PCDHGA1: variants seen among roughly 807,000 people sequenced by gnomAD.
PCDHGA1 encodes the protein protocadherin gamma subfamily A, 1.
PCDHGA1 carries 32 observed loss-of-function variants against 58.0 expected under a neutral mutation model. The observed-to-expected ratio is 0.55, with a 90% CI of 0.42 to 0.74. The LOEUF is 0.74. PCDHGA1 is among the 30% of genes least tolerant of loss of function. PCDHGA1 has a pLI of 0.00. For missense variants in PCDHGA1, 1,205 were observed against 1,182.3 expected (o/e 1.02, Z -0.28); for synonymous variants, 498 against 501.1 (o/e 0.99, Z 0.08).
At chr5:141,394,850 G>GC in intron 1 of PCDHGA1, 1 of 1,613,820 alleles carries the variant, frequency 6.2e-7, no homozygotes. Flanking sequence ...GCAGTCTGAA[G>GC]CCTTCGGTCG....
At chr5:141,445,070 A>G (rs185808898) in intron 1 of PCDHGA1, among the ~76,000 whole-genome samples, 30 of 152,306 alleles carry the variant, frequency 2.0e-4, no homozygotes, top group African/African-American at 7.2e-4. Context: ...TATATTTCTC[A>G]TTAAATTGTC....
Position 141,489,857 on chromosome 5 carries a change from C to T in PCDHGA1, c.2422-4950C>T. 2 of 1,614,166 alleles carry T rather than the reference C, an allele frequency of 1.2e-6. No individual in the cohort carries two copies. On this transcript the variant is annotated intron_variant, in intron 1 of 3. Coordinates refer to ENST00000517417, the MANE Select transcript of PCDHGA1 (RefSeq NM_018912.3). This position sits in a 1 kb window ranked among gnomAD's most constrained non-coding sequence, Gnocchi z 4.5. ...CAGCAGCTGGATCGTGAAGCCCAGGCAAGACATCAGCTGGTGCTTACTGCT... is the reference window on the plus strand; with the variant it reads ...CAGCAGCTGGATCGTGAAGCCCAGGTAAGACATCAGCTGGTGCTTACTGCT...
In PCDHGA1 at chr5:141,330,778, C is replaced by A. The variant is rs1225743698; in HGVS notation, c.94C>A (p.His32Asn). The A allele has an allele frequency of 1.2e-6, 2 of 1,614,212 alleles. No individual in the cohort carries two copies. The highest frequency in any genetic ancestry group is 1.7e-5 in the Admixed American group (1 of 60,022). The change falls in exon 1 of 4, where the codon CAC (histidine) becomes AAC (asparagine). Residue 32 changes from histidine (H) to asparagine (N), a missense_variant. Coordinates refer to ENST00000517417, the MANE Select transcript of PCDHGA1 (RefSeq NM_018912.3). The stretch of plus-strand genomic sequence containing the variant: ...GTTGGAAGCTGGGGCTGGGAATATT[C>A]ACTACTCAGTGCCGGAAGAGACAGA... Reference protein sequence around the residue: ...LLLEAGAGNIHYSVPEETDKG... With the variant: ...LLLEAGAGNINYSVPEETDKG...
chr5:141,416,441 T>C (rs2096024396), intron 1 of PCDHGA1: 1 of 152,162 alleles, frequency 6.6e-6, no homozygotes, highest in Non-Finnish European at 1.5e-5. Flanking sequence ...TGAAAGTAAA[T>C]ATGGGTTGGG....
chr5:141,477,157 C>G lies in PCDHGA1; in HGVS notation c.2422-17650C>G. ...TGGTGGAGGTTGTGGATGTGAATGA[C>G]AACGCCCCGGAGATCACAGTCACCT... is the stretch of plus-strand genomic sequence containing the variant. On this transcript the variant is annotated intron_variant, in intron 1 of 3. Transcript: ENST00000517417. This position sits in a 1 kb window ranked among gnomAD's most constrained non-coding sequence, Gnocchi z 4.9. 1 of 1,614,182 alleles carries G rather than the reference C, an allele frequency of 6.2e-7. No individual in the cohort carries two copies. Among genetic ancestry groups the G allele is most frequent in the Non-Finnish European group, 8.5e-7 (1 of 1,180,038 alleles).
At chr5:141,370,980 C>G (rs1197203581) in intron 1 of PCDHGA1, 8 of 1,613,868 alleles carry the variant, frequency 5.0e-6, no homozygotes, top group African/African-American at 1.3e-5. Context: ...AGAGCTAGTA[C>G]TGAAAGCACC....
intron 1 of PCDHGA1, among the ~76,000 whole-genome samples, chr5:141,444,942 A>C (rs1272061494): frequency 6.6e-6 from 1 of 152,082 alleles, no homozygotes; most frequent in Non-Finnish European, 1.5e-5. Flanking sequence ...AGGAGGGAGG[A>C]GGATCATCTT....
In PCDHGA1 at chr5:141,351,808, C is replaced by T. The variant is rs186558249; in HGVS notation, c.2421+18703C>T. 8,386 of 1,613,306 alleles carry T rather than the reference C, an allele frequency of 5.2e-3. 46 individuals are homozygous for T. Among genetic ancestry groups the T allele is most frequent in the Admixed American group, 9.5e-3 (569 of 60,020 alleles). The stretch of plus-strand genomic sequence containing the variant: ...GGGTGGTGTTCGCGCAGCGCGCCTT[C>T]GACCACGAGCAGCTGCGCGCCTTCG... On this transcript the variant is annotated intron_variant, in intron 1 of 3. Coordinates refer to ENST00000517417, the MANE Select transcript of PCDHGA1 (RefSeq NM_018912.3).
intron 1 of PCDHGA1, among the ~76,000 whole-genome samples, chr5:141,468,088 G>T (rs186503104): frequency 6.6e-6 from 1 of 152,186 alleles, no homozygotes; most frequent in East Asian, 1.9e-4. Context: ...ACTTTGGGAG[G>T]TTGAGGCAGG....
chr5:141,385,110 C>A (rs1315178545), intron 1 of PCDHGA1: 2 of 1,614,076 alleles, frequency 1.2e-6, no homozygotes, highest in African/African-American at 2.7e-5. Context: ...ACGTGCCCAC[C>A]TCGCACTTTG....
At chr5:141,418,955 G>C in intron 1 of PCDHGA1, 4 of 1,614,050 alleles carry the variant, frequency 2.5e-6, no homozygotes, top group Non-Finnish European at 3.4e-6. Flanking sequence ...AGGAGTGGTT[G>C]TTGCCCTCTT....
chr5:141,378,542 TAATA>T (rs1181738762), intron 1 of PCDHGA1: 54 of 152,104 alleles, frequency 3.6e-4, no homozygotes, highest in Admixed American at 3.5e-3. Flanking sequence ...TAATGATAAT[TAATA>T]AATAAAGAGT....
At position 141,487,148 on chromosome 5, in the gene PCDHGA1, G is replaced by A; in HGVS notation, c.2422-7659G>A. ...TGGTAGTCCACCACTCTCTACCTCT[G>A]TTACTCTCTTAGTGTCCTTAGAGGA... On this transcript the variant is annotated intron_variant, in intron 1 of 3. Transcript: ENST00000517417. This position sits in a 1 kb window ranked among gnomAD's most constrained non-coding sequence, Gnocchi z 5.0. The A allele has an allele frequency of 6.2e-7, 1 of 1,614,042 alleles. No homozygotes were observed. The highest frequency in any genetic ancestry group is 8.5e-7 in the Non-Finnish European group (1 of 1,179,922).
At chr5:141,467,736 G>T (rs1435480730) in intron 1 of PCDHGA1, among the ~76,000 whole-genome samples, 1 of 151,902 alleles carries the variant, frequency 6.6e-6, no homozygotes, top group Admixed American at 6.6e-5. Context: ...ATCCCAGCTC[G>T]CTGCAACCTC....
chr5:141,341,403 A>C, intron 1 of PCDHGA1: 1 of 1,614,170 alleles, frequency 6.2e-7, no homozygotes, highest in South Asian at 1.1e-5. Context: ...CAGGTAATCT[A>C]TCTTTTCACA....
intron 1 of PCDHGA1, chr5:141,333,406 C>T (rs1198006336): frequency 6.0e-6 from 3 of 504,196 alleles, no homozygotes; most frequent in Non-Finnish European, 1.0e-5. Flanking sequence ...TAGCTTCTAA[C>T]ATTTTCTTAC....
Position 141,485,966 on chromosome 5 carries a change from A to T in PCDHGA1, c.2422-8841A>T. ...AGCGGGCATGGTGCTCATCCAGCTC[A>T]ATGCCTCAGACCCGGACCTGGGTCC... On this transcript the variant is annotated intron_variant, in intron 1 of 3. Coordinates refer to ENST00000517417, the MANE Select transcript of PCDHGA1 (RefSeq NM_018912.3). The surrounding 1 kb of genome is among the most constrained non-coding windows in gnomAD (Gnocchi z 5.7). 1 of 1,614,168 alleles carries T rather than the reference A, an allele frequency of 6.2e-7. No individual in the cohort carries two copies. Among genetic ancestry groups the T allele is most frequent in the Non-Finnish European group, 8.5e-7 (1 of 1,179,988 alleles).
At chr5:141,355,244 A>C in intron 1 of PCDHGA1, 1 of 1,613,114 alleles carries the variant, frequency 6.2e-7, no homozygotes, top group Non-Finnish European at 8.5e-7. Context: ...CGGCTGCTCC[A>C]GATCTGCCTT....
Position 141,491,793 on chromosome 5 carries a change from C to T in PCDHGA1, c.2422-3014C>T, listed in dbSNP as rs2099730341. 4.0e-6 allele frequency: 6 copies of T among 1,511,410 alleles called. No individual in the cohort carries two copies. Among genetic ancestry groups the T allele is most frequent in the East Asian group, 2.5e-5 (1 of 40,660 alleles). The allele number at this position is 1,511,410 out of a possible 1,614,324, so 93.6% of individuals were successfully genotyped here. A position where few individuals can be genotyped will look rare whatever the true frequency, so the allele number is the denominator to read the frequency against. On this transcript the variant is annotated intron_variant, in intron 1 of 3. Transcript: ENST00000517417. This position sits in a 1 kb window ranked among gnomAD's most constrained non-coding sequence, Gnocchi z 6.9. ...AGGGATTGAACTTGCATCCACTCCT[C>T]TCCGGCCGGCTTGGTCGCTGGCTGC...
Sources: allele counts gnomAD v4.1 joint callset (sites outside exome capture counted in the v4.1 genomes callset), GRCh38; gene constraint gnomAD v4.1.1; non-coding constraint Gnocchi (gnomAD v3.1); transcripts MANE v1.5; gene names NCBI Gene and HGNC (gene_info 2026-07-23, HGNC 2026-07-21).